The following LRRC37A2 variants were observed in gnomAD, a reference collection of about 807,000 sequenced individuals.
The protein encoded by LRRC37A2 is leucine-rich repeat-containing protein 37A2.
A neutral mutation model predicts 68.8 loss-of-function variants in LRRC37A2; 9 were observed. That is an observed-to-expected ratio of 0.13 (90% CI 0.08 to 0.23). The LOEUF is 0.23. LRRC37A2 is among the 10% of genes least tolerant of loss of function. LRRC37A2 has a pLI of 1.00. For missense variants in LRRC37A2, 168 were observed against 950.4 expected (o/e 0.18, Z 10.82); for synonymous variants, 63 against 367.6 (o/e 0.17, Z 9.48).
the LRRC37A2 span, among the ~76,000 whole-genome samples, chr17:47,001,704 CTT>C: frequency 6.9e-6 from 1 of 144,962 alleles, no homozygotes; most frequent in African/African-American, 2.5e-5. Context: ...CTTTCTTTCT[CTT>C]CTCTTTTTTC....
chr17:46,982,632 C>T, the LRRC37A2 span, among the ~76,000 whole-genome samples: 1 of 152,274 alleles, frequency 6.6e-6, no homozygotes, highest in Middle Eastern at 3.4e-3. Flanking sequence ...CCAGATCTGT[C>T]CTGTTCCAAA....
At chr17:46,904,394 A>G in the LRRC37A2 span, among the ~76,000 whole-genome samples, 1 of 139,420 alleles carries the variant, frequency 7.2e-6, no homozygotes, top group Non-Finnish European at 1.5e-5. Flanking sequence ...GGCTGGCTGG[A>G]TAAATGGATG....
chr17:46,821,451 C>A, the LRRC37A2 span, among the ~76,000 whole-genome samples: 1 of 152,256 alleles, frequency 6.6e-6, no homozygotes. Flanking sequence ...GGAGGGCGGG[C>A]GCCCCTGACC....
chr17:46,897,619 T>C, the LRRC37A2 span, among the ~76,000 whole-genome samples: 1 of 152,188 alleles, frequency 6.6e-6, no homozygotes, highest in East Asian at 1.9e-4. Flanking sequence ...GTGCAGGCTC[T>C]GGGTGTACCT....
At chr17:46,714,054 G>T in the LRRC37A2 span, 2 of 1,480,422 alleles carry the variant, frequency 1.4e-6, no homozygotes, top group Non-Finnish European at 1.8e-6. Context: ...ACATATATAT[G>T]CCTTTGTACA....
At chr17:46,754,385 T>C in the LRRC37A2 span, among the ~76,000 whole-genome samples, 5 of 151,972 alleles carry the variant, frequency 3.3e-5, no homozygotes, top group Non-Finnish European at 7.4e-5. Context: ...GGAGTCCAAT[T>C]GCACATCTCC....
the LRRC37A2 span, among the ~76,000 whole-genome samples, chr17:46,621,128 T>C: frequency 7.1e-6 from 1 of 140,114 alleles, no homozygotes; most frequent in Admixed American, 7.0e-5. Flanking sequence ...ATTCAGTGGC[T>C]ACTCTCTATC....
At chr17:46,444,682 G>A in the LRRC37A2 span, among the ~76,000 whole-genome samples, 1 of 82,786 alleles carries the variant, frequency 1.2e-5, no homozygotes, top group African/African-American at 5.4e-5. Context: ...GATTACTCAT[G>A]CCTGGCCCTC....
the LRRC37A2 span, among the ~76,000 whole-genome samples, chr17:46,838,932 A>AAGTGG: frequency 6.6e-6 from 1 of 151,930 alleles, no homozygotes; most frequent in Non-Finnish European, 1.5e-5. Context: ...GGCTGGAGTG[A>AAGTGG]AGTGGAGTGA....
the LRRC37A2 span, chr17:46,872,383 GA>G: frequency 7.5e-7 from 1 of 1,331,678 alleles, no homozygotes; most frequent in Non-Finnish European, 9.7e-7. Context: ...GTAAAATGGG[GA>G]CGGGACCTCC....
At chr17:47,000,055 A>AAAT in the LRRC37A2 span, among the ~76,000 whole-genome samples, 2 of 29,558 alleles carry the variant, frequency 6.8e-5, no homozygotes, top group African/African-American at 1.4e-4. Flanking sequence ...AAATAAAATA[A>AAAT]AATAAAATTA....
chr17:46,935,101 A>G, the LRRC37A2 span: 2 of 1,613,604 alleles, frequency 1.2e-6, no homozygotes, highest in Non-Finnish European at 1.7e-6. Flanking sequence ...TCACAACGGC[A>G]TGGATGACCT....
chr17:46,993,839 T>G, the LRRC37A2 span, among the ~76,000 whole-genome samples: 1 of 152,260 alleles, frequency 6.6e-6, no homozygotes, highest in East Asian at 1.9e-4. Context: ...GCCCCAACTC[T>G]GCAGGAATGT....
At chr17:46,774,054 C>A in the LRRC37A2 span, 4 of 1,213,942 alleles carry the variant, frequency 3.3e-6, no homozygotes, top group Non-Finnish European at 4.6e-6. Context: ...CCTTTGACCT[C>A]GGGAGCATGC....
At chr17:46,774,742 G>C in the LRRC37A2 span, among the ~76,000 whole-genome samples, 3 of 152,208 alleles carry the variant, frequency 2.0e-5, no homozygotes, top group African/African-American at 7.2e-5. Flanking sequence ...TGACCTTATG[G>C]GGGTGGGGCA....
chr17:46,537,077 ATTTTTTTTTTTTTTTT>A (rs766255014), intron 6 of LRRC37A2, among the ~76,000 whole-genome samples: 265 of 34,818 alleles, frequency 7.6e-3, no homozygotes, highest in African/African-American at 0.047. Context: ...ATTGTGGTCA[ATTTTTTTTTTTTTTTT>A]TTTTTTTTTT....
the LRRC37A2 span, among the ~76,000 whole-genome samples, chr17:46,854,022 C>T: frequency 1.1e-3 from 169 of 152,208 alleles, 1 homozygote; most frequent in African/African-American, 3.8e-3. Context: ...GGATGAGTAT[C>T]GGAGCCACCT....
the LRRC37A2 span, among the ~76,000 whole-genome samples, chr17:46,386,224 G>A: frequency 1.8e-5 from 2 of 113,672 alleles, no homozygotes; most frequent in East Asian, 4.6e-4. Flanking sequence ...TCAACCTCCC[G>A]AGTAGCTGGG....
chr17:46,855,899 G>A, the LRRC37A2 span, among the ~76,000 whole-genome samples: 1 of 152,014 alleles, frequency 6.6e-6, no homozygotes, highest in African/African-American at 2.4e-5. Context: ...ATGTTGATCA[G>A]GCTGGTCTGG....
Sources: gnomAD v4.1 joint callset for allele counts (sites outside exome capture counted in the v4.1 genomes callset) on GRCh38, gnomAD v4.1.1 for gene constraint, MANE v1.5 for transcripts, NCBI Gene and HGNC (gene_info 2026-07-23, HGNC 2026-07-21) for gene names.